The following KCNN2 variants were observed in gnomAD, a reference collection of about 807,000 sequenced individuals.
KCNN2 encodes small conductance calcium-activated potassium channel protein 2.
A neutral mutation model predicts 55.5 loss-of-function variants in KCNN2; 24 were observed. That is an observed-to-expected ratio of 0.43 (90% confidence interval 0.31 to 0.61). The LOEUF is 0.61. Among genes scored for constraint, KCNN2 ranks in the 20% least tolerant of loss-of-function variants. KCNN2 has a pLI of 0.08. For missense variants in KCNN2, 754 were observed against 853.6 expected, an observed-to-expected ratio of 0.88 and a Z score of 1.45; for synonymous variants, 431 against 336.1, an observed-to-expected ratio of 1.28 and a Z score of -3.09.
At chr5:114,411,627 AAGGAC>A (rs1227554703) in intron 3 of KCNN2, among the ~76,000 whole-genome samples, 1 of 152,162 alleles carries the variant, frequency 6.6e-6, no homozygotes, top group Non-Finnish European at 1.5e-5. Flanking sequence ...TCTGAAGTCT[AAGGAC>A]AGGAGAGGAA....
chr5:114,245,936 T>A (rs1177679589), intron 2 of KCNN2, among the ~76,000 whole-genome samples: 1 of 152,142 alleles, frequency 6.6e-6, no homozygotes, highest in Non-Finnish European at 1.5e-5. Flanking sequence ...CTCACAGAAT[T>A]CACACAGAAG....
At chr5:114,204,248 A>T (rs1753727075) in intron 1 of KCNN2, among the ~76,000 whole-genome samples, 2 of 152,186 alleles carry the variant, frequency 1.3e-5, no homozygotes, top group Admixed American at 1.3e-4. Context: ...TTAAAATTGC[A>T]CTGTTTATGT....
At chr5:114,481,261 G>GAATA (rs1178260109) in intron 5 of KCNN2, among the ~76,000 whole-genome samples, 3 of 152,056 alleles carry the variant, frequency 2.0e-5, no homozygotes, top group Non-Finnish European at 2.9e-5. Flanking sequence ...TGCTACCAAA[G>GAATA]AATAAAATAC....
chr5:114,361,000 G>GC (rs1323950685), upstream of KCNN2: 1 of 152,768 alleles, frequency 6.5e-6, no homozygotes, highest in Non-Finnish European at 1.5e-5. Context: ...TGGCTGAGCA[G>GC]CCCCCACACC....
In KCNN2 at chr5:114,193,392, C is replaced by A. The variant is rs1310430866; in HGVS notation, c.-270-28088C>A. Among the ~76,000 whole-genome samples, 3 of 152,132 alleles carry A rather than the reference C, an allele frequency of 2.0e-5. No homozygotes were observed. In the East Asian group the frequency reaches 5.8e-4, roughly 29 times the overall value. On this transcript the variant is annotated intron_variant, in intron 1 of 10. Coordinates refer to the KCNN2 transcript ENST00000512097. ...GAGGCTGAAACACTCAGTGCCTGTG[C>A]TCAATCCTTACTGTTTCCTCTTGCT...
intron 2 of KCNN2, among the ~76,000 whole-genome samples, chr5:114,269,758 G>A (rs970815645): frequency 1.3e-5 from 2 of 152,088 alleles, no homozygotes; most frequent in Admixed American, 6.6e-5. Flanking sequence ...TAGAGACAAA[G>A]TTCATATTGC....
At chr5:114,209,813 A>G (rs964847891) in intron 1 of KCNN2, among the ~76,000 whole-genome samples, 9 of 152,222 alleles carry the variant, frequency 5.9e-5, no homozygotes, top group African/African-American at 2.2e-4. Context: ...GAAATGTCAC[A>G]TCTAATTTCT....
intron 1 of KCNN2, among the ~76,000 whole-genome samples, chr5:114,094,390 C>T (rs1751214329): frequency 6.6e-6 from 1 of 152,174 alleles, no homozygotes; most frequent in Non-Finnish European, 1.5e-5. Context: ...TATACCATTG[C>T]AGAATCTTTC....
chr5:114,392,190 T>C lies in KCNN2; in HGVS notation c.1219-12248T>C, dbSNP rs1306865195. Among the ~76,000 whole-genome samples the C allele has an allele frequency of 2.0e-5, 3 of 152,212 alleles. No individual in the cohort carries two copies. In the East Asian group the frequency reaches 5.8e-4, roughly 29 times the overall value. On this transcript the variant is annotated intron_variant, in intron 2 of 7. Coordinates refer to ENST00000673685, the MANE Select transcript of KCNN2 (RefSeq NM_021614.4). ...ACTTGATAGTGTTGCCTACAACATA[T>C]GATATGTGTTCATTTTATTATTAAA...
intron 2 of KCNN2, among the ~76,000 whole-genome samples, chr5:114,401,453 C>G (rs189969161): frequency 6.6e-6 from 1 of 152,252 alleles, no homozygotes; most frequent in East Asian, 1.9e-4. Context: ...TTAGGATAGT[C>G]ACTGTTAACT....
chr5:114,203,543 T>C (rs1020816386), intron 1 of KCNN2, among the ~76,000 whole-genome samples: 2 of 152,208 alleles, frequency 1.3e-5, no homozygotes, highest in Non-Finnish European at 2.9e-5. Flanking sequence ...TCCCATCTCA[T>C]CCTGACCTTT....
At chr5:114,334,837 T>C (rs937940551) in intron 2 of KCNN2, among the ~76,000 whole-genome samples, 2 of 152,188 alleles carry the variant, frequency 1.3e-5, no homozygotes, top group Admixed American at 6.5e-5. Flanking sequence ...TTATGTAAGA[T>C]TGATTATTAA....
At chr5:114,159,088 A>T (rs1450127992) in intron 1 of KCNN2, among the ~76,000 whole-genome samples, 1 of 152,164 alleles carries the variant, frequency 6.6e-6, no homozygotes, top group African/African-American at 2.4e-5. Context: ...GCCAGTTTTC[A>T]AAGGGAATGC....
intron 1 of KCNN2, among the ~76,000 whole-genome samples, chr5:114,180,017 G>A (rs4461622): frequency 0.017 from 2,518 of 152,208 alleles, 63 homozygotes; most frequent in African/African-American, 0.057. Context: ...AATTGAACAT[G>A]ACTTCTATAG....
intron 1 of KCNN2, among the ~76,000 whole-genome samples, chr5:114,211,351 A>T (rs1451982812): frequency 6.6e-6 from 1 of 152,208 alleles, no homozygotes. Flanking sequence ...AAAATATGGT[A>T]CATATACACC....
intron 3 of KCNN2, among the ~76,000 whole-genome samples, chr5:114,449,503 C>G (rs887049073): frequency 1.3e-5 from 2 of 152,144 alleles, no homozygotes; most frequent in South Asian, 2.1e-4. Flanking sequence ...GTTTTGTTAT[C>G]TCCGTGCTCA....
intron 3 of KCNN2, among the ~76,000 whole-genome samples, chr5:114,426,494 A>G (rs1449420903): frequency 6.6e-6 from 1 of 152,196 alleles, no homozygotes; most frequent in Non-Finnish European, 1.5e-5. Flanking sequence ...TCAGGTTAAT[A>G]TTGACTCAGA....
At chr5:114,095,956 T>C (rs1373945208) in intron 1 of KCNN2, among the ~76,000 whole-genome samples, 3 of 152,166 alleles carry the variant, frequency 2.0e-5, no homozygotes, top group Non-Finnish European at 4.4e-5. Flanking sequence ...GTATTACATT[T>C]ATTTAAAAAC....
intron 1 of KCNN2, among the ~76,000 whole-genome samples, chr5:114,110,520 G>C (rs1751575587): frequency 6.6e-6 from 1 of 152,006 alleles, no homozygotes. Flanking sequence ...CAAAAATATT[G>C]TAGAATTGAT....
Sources: allele counts gnomAD v4.1 joint callset (sites outside exome capture counted in the v4.1 genomes callset), GRCh38; gene constraint gnomAD v4.1.1; transcripts MANE v1.5; gene names NCBI Gene and HGNC (gene_info 2026-07-23, HGNC 2026-07-21).